MTMR3: variants seen among roughly 807,000 people sequenced by gnomAD.
MTMR3 encodes phosphatidylinositol-3,5-bisphosphate 3-phosphatase MTMR3.
MTMR3 carries 32 observed loss-of-function variants against 132.4 expected under a neutral mutation model. That is an observed-to-expected ratio of 0.24 (90% CI 0.18 to 0.32). The LOEUF (loss-of-function observed/expected upper bound fraction) is 0.32, where lower values mean the gene tolerates loss of function less well. MTMR3 is among the 10% of genes least tolerant of loss of function. MTMR3 has a pLI of 1.00. For missense variants in MTMR3, 1,216 were observed against 1,489.6 expected (o/e 0.82, Z 3.02); for synonymous variants, 556 against 550.3 (o/e 1.01, Z -0.14).
chr22:29,998,346 C>G (rs1350765955), intron 7 of MTMR3: 1 of 152,480 alleles, frequency 6.6e-6, no homozygotes, highest in Non-Finnish European at 1.5e-5. Flanking sequence ...CAATTCTTAC[C>G]TTTAAAAATA....
chr22:30,013,037 G>A (rs2067473863), intron 13 of MTMR3: 1 of 207,048 alleles, frequency 4.8e-6, no homozygotes, highest in African/African-American at 2.3e-5. Context: ...TAACACCAGA[G>A]GCAGAAATGT....
chr22:29,883,303 TG>T lies in MTMR3; in HGVS notation c.-190del. Reference sequence around the variant, plus strand: ...GCGCCGGCCCTGGCAGGGAGCCTGGTGGGGTGGCGGAGGGGGAGACTGTGCC... The same window carrying T: ...GCGCCGGCCCTGGCAGGGAGCCTGGTGGGTGGCGGAGGGGGAGACTGTGCC... On this transcript the variant is annotated 5_prime_UTR_variant, in exon 1 of 20. Transcript: ENST00000401950. 1 of 153,358 alleles carries T rather than the reference TG, an allele frequency of 6.5e-6. No individual in the cohort carries two copies. Among genetic ancestry groups the T allele is most frequent in the Non-Finnish European group, 1.5e-5 (1 of 68,862 alleles). The allele number at this position is 153,358 out of a possible 1,614,324, so 9.5% of individuals were successfully genotyped here.
At chr22:29,968,727 G>A (rs1473738596) in intron 2 of MTMR3, among the ~76,000 whole-genome samples, 1 of 152,136 alleles carries the variant, frequency 6.6e-6, no homozygotes, top group South Asian at 2.1e-4. Context: ...GTTCACAGTG[G>A]TGTCCCCAAA....
chr22:29,985,036 T>A (rs2066828771), intron 5 of MTMR3: 1 of 152,254 alleles, frequency 6.6e-6, no homozygotes, highest in Admixed American at 6.5e-5. Context: ...TGTAATTTGC[T>A]TTTGAGGTTG....
intron 1 of MTMR3, among the ~76,000 whole-genome samples, chr22:29,924,517 T>C (rs1357534235): frequency 6.6e-6 from 1 of 152,220 alleles, no homozygotes; most frequent in Non-Finnish European, 1.5e-5. Flanking sequence ...ACATTGTTCT[T>C]TTCAAGTTCA....
At chr22:29,886,826 A>G (rs1217525277) in intron 1 of MTMR3, among the ~76,000 whole-genome samples, 1 of 152,188 alleles carries the variant, frequency 6.6e-6, no homozygotes, top group Non-Finnish European at 1.5e-5. Flanking sequence ...TGGGTTTTAC[A>G]TTGGGAACTT....
chr22:30,029,004 G>C lies in MTMR3; in HGVS notation c.*3203G>C, dbSNP rs1022117962. On this transcript the variant is annotated 3_prime_UTR_variant, in exon 20 of 20. Coordinates refer to ENST00000401950, the MANE Select transcript of MTMR3 (RefSeq NM_021090.4). ...AAATTAAAACACTGGCATGGCCTAG[G>C]AAGGGCGTTGCGAGCTCCTAAATGG... 10 of 152,418 alleles carry C rather than the reference G, an allele frequency of 6.6e-5. No individual in the cohort carries two copies. The highest frequency in any genetic ancestry group is 2.4e-4 in the African/African-American group (10 of 41,466). The allele number at this position is 152,418 out of a possible 1,614,324, so 9.4% of individuals were successfully genotyped here. A position where few individuals can be genotyped will look rare whatever the true frequency, so the allele number is the denominator to read the frequency against.
At chr22:29,935,934 AG>A (rs1407436747) in intron 1 of MTMR3, among the ~76,000 whole-genome samples, 4 of 151,924 alleles carry the variant, frequency 2.6e-5, no homozygotes, top group African/African-American at 9.7e-5. Context: ...TAGTATTTTT[AG>A]TAGAGACGGG....
At chr22:29,984,743 T>G (rs773467344) in intron 5 of MTMR3, 5 of 152,236 alleles carry the variant, frequency 3.3e-5, no homozygotes, top group Non-Finnish European at 7.3e-5. Flanking sequence ...CTTGCTACTC[T>G]TTTACAAAAG....
chr22:29,978,580 G>A (rs775364047), intron 4 of MTMR3, 49 bp downstream of exon 4: 3 of 1,391,472 alleles, frequency 2.2e-6, no homozygotes, highest in South Asian at 2.4e-5. Context: ...AGCATTAACT[G>A]TATAGCAGAG....
At chr22:29,953,478 C>T (rs1322922398) in intron 1 of MTMR3, among the ~76,000 whole-genome samples, 1 of 152,138 alleles carries the variant, frequency 6.6e-6, no homozygotes, top group East Asian at 1.9e-4. Context: ...TCCTTTTTGG[C>T]CTTCTTAGGG....
chr22:29,978,221 C>A, intron 3 of MTMR3: 3 of 381,060 alleles, frequency 7.9e-6, no homozygotes, highest in Admixed American at 3.7e-5. Flanking sequence ...ATATTCTAAC[C>A]TCTTTGACAT....
intron 19 of MTMR3, chr22:30,023,333 G>A: frequency 1.0e-6 from 1 of 971,466 alleles, no homozygotes; most frequent in East Asian, 2.4e-5. Context: ...TGGGTGGATT[G>A]AAAATGGAAC....
chr22:30,005,013 T>G (rs2067246903), intron 9 of MTMR3: 1 of 152,262 alleles, frequency 6.6e-6, no homozygotes, highest in Non-Finnish European at 1.5e-5. Flanking sequence ...CATAGCAAGA[T>G]GATGTAAAGG....
chr22:30,022,561 C>A, intron 18 of MTMR3, 48 bp from the exon 19 acceptor site: 1 of 1,531,764 alleles, frequency 6.5e-7, no homozygotes. Flanking sequence ...CTGGCTCCAG[C>A]TGGATGGCCC....
rs1023863721 is a variant in MTMR3 at position 29,957,649 on chromosome 22, C to A, written c.-85+561C>A. ...AACTTTTTTTGTAGAGACAGGATCT[C>A]GTTCTGTTGCCCAGGCTGATATAGT... On this transcript the variant is annotated intron_variant, in intron 2 of 19. Transcript: ENST00000401950. 3.3e-5 allele frequency among the ~76,000 whole-genome samples: 5 copies of A among 152,054 alleles called. No homozygotes were observed. In the East Asian group the frequency reaches 9.7e-4, roughly 29 times the overall value.
chr22:30,023,863 T>G (rs897756170), intron 19 of MTMR3: 5 of 220,852 alleles, frequency 2.3e-5, no homozygotes, highest in Non-Finnish European at 3.5e-5. Flanking sequence ...CATCACTGCT[T>G]CTTTTTTCCC....
chr22:29,894,475 C>G (rs921128277), intron 1 of MTMR3, among the ~76,000 whole-genome samples: 2 of 151,174 alleles, frequency 1.3e-5, no homozygotes, highest in Non-Finnish European at 2.9e-5. Context: ...AAACACAGAA[C>G]TCAGCCCGAA....
intron 10 of MTMR3, 96 bp from the exon 11 acceptor site, chr22:30,007,805 C>CT (rs1222049237): frequency 9.0e-6 from 13 of 1,440,272 alleles, no homozygotes; most frequent in African/African-American, 4.3e-5. Context: ...TTTATTGAGC[C>CT]TTTTTTGTGC....
Sources: gnomAD v4.1 joint callset for allele counts (sites outside exome capture counted in the v4.1 genomes callset) on GRCh38, gnomAD v4.1.1 for gene constraint, MANE v1.5 for transcripts, NCBI Gene and HGNC (gene_info 2026-07-23, HGNC 2026-07-21) for gene names.